Variants in FLRT1 observed in about 807,000 individuals in gnomAD.
The protein encoded by FLRT1 is fibronectin leucine rich transmembrane protein 1, also known as leucine-rich repeat transmembrane protein FLRT1.
FLRT1 carries 14 observed loss-of-function variants against 30.9 expected under a neutral mutation model. The ratio of observed to expected loss-of-function variants is 0.45; its 90% CI spans 0.30 to 0.71. FLRT1 has a LOEUF of 0.71. Among genes scored for constraint, FLRT1 ranks in the 30% least tolerant of loss-of-function variants. The pLI, the probability that FLRT1 is intolerant of heterozygous loss-of-function variation, is 0.08. For missense variants in FLRT1, 737 were observed against 949.2 expected, an observed-to-expected ratio of 0.78 and a Z score of 2.94; for synonymous variants, 368 against 430.4, an observed-to-expected ratio of 0.85 and a Z score of 1.80.
intron 1 of FLRT1, among the ~76,000 whole-genome samples, chr11:64,057,191 G>C (rs558308): frequency 1.6e-4 from 24 of 152,340 alleles, no homozygotes; most frequent in Non-Finnish European, 2.9e-4. Context: ...TGTTTATAAG[G>C]CTGGGAGAAA....
chr11:64,057,179 C>T (rs11231685), intron 1 of FLRT1, among the ~76,000 whole-genome samples: 10 of 152,322 alleles, frequency 6.6e-5, no homozygotes, highest in South Asian at 2.1e-4. Context: ...CAGCCAGCCC[C>T]GTGTTTATAA....
chr11:64,108,659 C>T (rs976965967), intron 2 of FLRT1, among the ~76,000 whole-genome samples: 6 of 152,236 alleles, frequency 3.9e-5, no homozygotes, highest in Non-Finnish European at 5.9e-5. Flanking sequence ...GTCCCACTGG[C>T]CTTTCCCGCT....
rs1310551214 is a variant in FLRT1, at chr11:64,117,156, G to A, written c.889G>A (p.Glu297Lys). The change falls in exon 3 of 3, where the codon GAG becomes AAG. Residue 297 changes from glutamate to lysine, a missense_variant. Glu to Lys is a moderately conservative substitution (Grantham distance 56, BLOSUM62 1). Transcript: ENST00000682287. ...YNTLAKMREL[E>K]RLDLSNNNLT... ...CACGCTGGCCAAGATGCGTGAGCTGGAGCGGCTGGACCTGTCCAACAACAA... is the reference window on the plus strand; with the variant it reads ...CACGCTGGCCAAGATGCGTGAGCTGAAGCGGCTGGACCTGTCCAACAACAA... The A allele has an allele frequency of 6.2e-7, 1 of 1,613,778 alleles. No homozygotes were observed. Among genetic ancestry groups the A allele is most frequent in the Non-Finnish European group, 8.5e-7 (1 of 1,179,982 alleles).
intron 1 of FLRT1, among the ~76,000 whole-genome samples, chr11:64,045,658 G>C (rs1447467771): frequency 1.3e-5 from 2 of 152,178 alleles, no homozygotes; most frequent in Non-Finnish European, 2.9e-5. Flanking sequence ...ACTGCTCCTG[G>C]GGTCTCAAAG....
At chr11:64,053,591 C>T (rs1943732186) in intron 1 of FLRT1, among the ~76,000 whole-genome samples, 1 of 152,134 alleles carries the variant, frequency 6.6e-6, no homozygotes, top group Non-Finnish European at 1.5e-5. Context: ...AGAGTGGGAG[C>T]AGGAAGTGGG....
chr11:64,056,892 C>T (rs1188017), intron 1 of FLRT1, among the ~76,000 whole-genome samples: 22,628 of 152,186 alleles, frequency 0.15, 2,000 homozygotes, highest in Non-Finnish European at 0.2. Context: ...GTACCAGGGT[C>T]GGAGCTGGTC....
Position 64,116,489 on chromosome 11 carries a change from C to T in FLRT1, c.222C>T (p.Ser74=). The T allele has an allele frequency of 6.2e-7, 1 of 1,613,986 alleles. No individual in the cohort carries two copies. Among genetic ancestry groups the T allele is most frequent in the South Asian group, 1.1e-5 (1 of 91,088 alleles). Residue 74 remains serine, a synonymous_variant, in exon 3 of 3, where the codon TCC becomes TCT. Coordinates refer to ENST00000682287, the MANE Select transcript of FLRT1 (RefSeq NM_013280.5). ...ACTGCAACGACCGGGGACTCACATC[C>T]ATCCCCGCAGATATCCCTGATGATG... ...FIYCNDRGLT[S]IPADIPDDAT... is the part of the protein sequence containing the mutation.
At chr11:64,101,516 G>T (rs1944670091) in intron 1 of FLRT1, among the ~76,000 whole-genome samples, 1 of 152,140 alleles carries the variant, frequency 6.6e-6, no homozygotes, top group Non-Finnish European at 1.5e-5. Context: ...AAATGCCAAG[G>T]CCCGCTGCCC....
At chr11:64,083,164 A>C (rs149978197) in intron 1 of FLRT1, 5 of 152,376 alleles carry the variant, frequency 3.3e-5, no homozygotes, top group African/African-American at 7.2e-5. Context: ...AGCCGGGTGC[A>C]GTGGCTCATG....
intron 1 of FLRT1, among the ~76,000 whole-genome samples, chr11:64,089,803 C>T (rs139369562): frequency 2.0e-5 from 3 of 152,224 alleles, no homozygotes; most frequent in South Asian, 2.1e-4. Context: ...CTCCTAATGC[C>T]AGTCTCTGTG....
In FLRT1 at chr11:64,054,079, G is replaced by T. The variant is rs1943741562; in HGVS notation, c.-1038+17920G>T. On this transcript the variant is annotated intron_variant, in intron 1 of 2. Coordinates refer to ENST00000682287, the MANE Select transcript of FLRT1 (RefSeq NM_013280.5). ...CAGCAAGCAGCTGTCACCTCCACCT[G>T]CGAATGGGGATGAGGATCCCAGCTC... Among the ~76,000 whole-genome samples, 3 of 152,152 alleles carry T rather than the reference G, an allele frequency of 2.0e-5. No homozygotes were observed. The South Asian group carries it at 6.2e-4, about 31-fold the overall frequency.
chr11:64,060,742 C>T (rs1450307821), intron 1 of FLRT1: 3 of 152,240 alleles, frequency 2.0e-5, no homozygotes, highest in Non-Finnish European at 4.4e-5. Flanking sequence ...GTGCCGAGCC[C>T]ACTGTATTTT....
intron 1 of FLRT1, among the ~76,000 whole-genome samples, chr11:64,100,635 A>C (rs1183951186): frequency 1.3e-5 from 2 of 152,220 alleles, no homozygotes; most frequent in African/African-American, 4.8e-5. Flanking sequence ...GGTTCAGTGA[A>C]TGCAGGTGGC....
chr11:64,116,243 G>A lies in FLRT1; in HGVS notation c.-25G>A, dbSNP rs1247025482. 1 of 1,580,822 alleles carries A rather than the reference G, an allele frequency of 6.3e-7. No homozygotes were observed. The highest frequency in any genetic ancestry group is 1.3e-5 in the African/African-American group (1 of 74,682). On this transcript the variant is annotated 5_prime_UTR_variant, in exon 3 of 3. Coordinates refer to ENST00000682287, the MANE Select transcript of FLRT1 (RefSeq NM_013280.5). Reference sequence around the variant, plus strand: ...GGTATTCAGGCTCCAGGCCAGGTGGGGCCGGACGCCCCCAGCCATCCACCA... The same window carrying A: ...GGTATTCAGGCTCCAGGCCAGGTGGAGCCGGACGCCCCCAGCCATCCACCA...
chr11:64,045,833 T>C (rs1245849660), intron 1 of FLRT1, among the ~76,000 whole-genome samples: 2 of 152,144 alleles, frequency 1.3e-5, no homozygotes, highest in Admixed American at 6.5e-5. Context: ...AAACCTGTAA[T>C]CCCAGCATCT....
intron 1 of FLRT1, among the ~76,000 whole-genome samples, chr11:64,053,652 C>T (rs562244899): frequency 1.3e-5 from 2 of 152,230 alleles, no homozygotes; most frequent in East Asian, 1.9e-4. Context: ...GCTGGCTCAG[C>T]GGGGTCCTCA....
At chr11:64,087,949 G>A (rs959319069) in intron 1 of FLRT1, among the ~76,000 whole-genome samples, 3 of 152,170 alleles carry the variant, frequency 2.0e-5, no homozygotes, top group Admixed American at 1.3e-4. Context: ...AGGGGAGGCC[G>A]GGCCTCCTCA....
chr11:64,075,129 C>T (rs1415827717), intron 1 of FLRT1, among the ~76,000 whole-genome samples: 1 of 152,218 alleles, frequency 6.6e-6, no homozygotes, highest in Non-Finnish European at 1.5e-5. Flanking sequence ...CTCTTTCTCT[C>T]ACTTGGAGAA....
rs752101125 is a variant in FLRT1 at position 64,090,489 on chromosome 11, G to A, written c.-1037-12705G>A. Among the ~76,000 whole-genome samples the A allele has an allele frequency of 3.7e-4, 57 of 152,200 alleles. No homozygotes were observed. The highest frequency in any genetic ancestry group is 6.5e-4 in the Admixed American group (10 of 15,286). Reference sequence around the variant, plus strand: ...CCCCTGAGGTGGAGGAGGAGGAGGAGGCCAAATAACCACATTTGCTTCCCC... The same window carrying A: ...CCCCTGAGGTGGAGGAGGAGGAGGAAGCCAAATAACCACATTTGCTTCCCC... On this transcript the variant is annotated intron_variant, in intron 1 of 2. Coordinates refer to ENST00000682287, the MANE Select transcript of FLRT1 (RefSeq NM_013280.5). The surrounding 1 kb of genome is among the most constrained non-coding windows in gnomAD (Gnocchi z 4.7).
Sources: allele counts gnomAD v4.1 joint callset (sites outside exome capture counted in the v4.1 genomes callset), GRCh38; gene constraint gnomAD v4.1.1; non-coding constraint Gnocchi (gnomAD v3.1); transcripts MANE v1.5; gene names NCBI Gene and HGNC (gene_info 2026-07-23, HGNC 2026-07-21).